The following ITGA9 variants were observed in gnomAD, a reference collection of about 807,000 sequenced individuals.
ITGA9 encodes the protein integrin alpha-9.
A neutral mutation model predicts 127.8 loss-of-function variants in ITGA9; 56 were observed. That is an observed-to-expected ratio of 0.44 (90% confidence interval 0.35 to 0.55). The LOEUF (loss-of-function observed/expected upper bound fraction) is 0.55. Ranked by LOEUF, ITGA9 falls within the 20% of genes least tolerant of loss-of-function variation. ITGA9 has a pLI of 0.00. For missense variants in ITGA9, 1,196 were observed against 1,347.1 expected (o/e 0.89, Z 1.76); for synonymous variants, 508 against 514.5 (o/e 0.99, Z 0.17).
At chr3:37,617,513 T>C (rs1392165448) in intron 15 of ITGA9, among the ~76,000 whole-genome samples, 1 of 152,228 alleles carries the variant, frequency 6.6e-6, no homozygotes, top group Non-Finnish European at 1.5e-5. Context: ...TTGGCCTGCC[T>C]TGCTAGACTG....
Position 37,469,395 on chromosome 3 carries a change from G to A in ITGA9, c.186-1612G>A, listed in dbSNP as rs578188875. Among the ~76,000 whole-genome samples, 390 of 152,258 alleles carry A rather than the reference G, an allele frequency of 2.6e-3. 2 individuals carry two copies. The highest frequency in any genetic ancestry group is 9.0e-3 in the African/African-American group (373 of 41,552). ...TAAATGTCCATGCTGTGTGTGTGGT[G>A]GGTGGTAGGAGGAGGAGAGGGAGAC... On this transcript the variant is annotated intron_variant, in intron 1 of 27. Coordinates refer to ENST00000264741, the MANE Select transcript of ITGA9 (RefSeq NM_002207.3).
chr3:37,666,465 CT>C (rs1467159206), intron 17 of ITGA9, among the ~76,000 whole-genome samples: 4 of 152,206 alleles, frequency 2.6e-5, no homozygotes, highest in Non-Finnish European at 5.9e-5. Context: ...TTTGGGTCTT[CT>C]GGTCTCATTT....
In ITGA9 at chr3:37,452,752, G is replaced by A. The variant is rs1417515258; in HGVS notation, c.185+193G>A. 2.6e-5 allele frequency among the ~76,000 whole-genome samples: 4 copies of A among 152,104 alleles called. No homozygotes were observed. Among genetic ancestry groups the A allele is most frequent in the African/African-American group, 4.8e-5 (2 of 41,448 alleles). ...GAGGACGCCGTCCGGGGCCCGCTAA[G>A]GTCGGGGTCGGCGCCTGGAGGCGGG... On this transcript the variant is annotated intron_variant, in intron 1 of 27. Transcript: ENST00000264741. This position sits in a 1 kb window ranked among gnomAD's most constrained non-coding sequence, Gnocchi z 7.3.
chr3:37,474,630 G>A (rs1482563114), intron 3 of ITGA9, among the ~76,000 whole-genome samples: 1 of 152,142 alleles, frequency 6.6e-6, no homozygotes, highest in Non-Finnish European at 1.5e-5. Flanking sequence ...CTCTGCCCTT[G>A]GTGAGTGAAC....
intron 1 of ITGA9, among the ~76,000 whole-genome samples, chr3:37,454,029 G>C (rs1206842259): frequency 6.6e-6 from 1 of 152,208 alleles, no homozygotes; most frequent in Non-Finnish European, 1.5e-5. Context: ...CTCAGGGTCT[G>C]AGGTTGAAGA....
chr3:37,453,287 G>A (rs1698221332), intron 1 of ITGA9, among the ~76,000 whole-genome samples: 6 of 152,190 alleles, frequency 3.9e-5, no homozygotes, highest in Admixed American at 3.9e-4. Flanking sequence ...CATTCGACCC[G>A]GAGACCTTCA....
chr3:37,743,061 T>A (rs1309762990), intron 21 of ITGA9, among the ~76,000 whole-genome samples: 1 of 152,112 alleles, frequency 6.6e-6, no homozygotes, highest in Non-Finnish European at 1.5e-5. Context: ...TTGGGAGGTG[T>A]TAACAGCCCC....
chr3:37,507,953 A>G (rs144764394), intron 7 of ITGA9, among the ~76,000 whole-genome samples: 2 of 152,264 alleles, frequency 1.3e-5, no homozygotes, highest in Non-Finnish European at 2.9e-5. Context: ...TGCAGTGGCG[A>G]TGCATAGTTC....
intron 16 of ITGA9, among the ~76,000 whole-genome samples, chr3:37,640,485 G>A (rs919487246): frequency 5.3e-5 from 8 of 152,098 alleles, no homozygotes; most frequent in Non-Finnish European, 1.0e-4. Flanking sequence ...CCCGAACAAA[G>A]CTGGAAGTGG....
intron 1 of ITGA9, among the ~76,000 whole-genome samples, chr3:37,455,565 G>A (rs1698246797): frequency 6.6e-6 from 1 of 152,112 alleles, no homozygotes; most frequent in Non-Finnish European, 1.5e-5. Context: ...AAATGAGTGA[G>A]GAAGGTAAAA....
intron 17 of ITGA9, among the ~76,000 whole-genome samples, chr3:37,681,082 C>G (rs1700730356): frequency 1.3e-5 from 2 of 152,132 alleles, no homozygotes; most frequent in Admixed American, 1.3e-4. Context: ...AGGATTCCAC[C>G]CCCCCAGAAA....
At chr3:37,525,849 G>T (rs909890975) in intron 12 of ITGA9, among the ~76,000 whole-genome samples, 177 bp from the exon 13 acceptor site, 3 of 152,194 alleles carry the variant, frequency 2.0e-5, no homozygotes, top group Non-Finnish European at 4.4e-5. Context: ...GGGATTGGCT[G>T]CCACGTCAGA....
intron 15 of ITGA9, among the ~76,000 whole-genome samples, chr3:37,612,743 G>A (rs1264172138): frequency 6.6e-6 from 1 of 152,204 alleles, no homozygotes; most frequent in African/African-American, 2.4e-5. Context: ...TAATAAATTA[G>A]CAATTCAGAG....
chr3:37,818,653 G>A (rs1697471876), intron 27 of ITGA9: 5 of 559,836 alleles, frequency 8.9e-6, no homozygotes, highest in South Asian at 8.0e-5. Context: ...TACACCAGAT[G>A]CATTTTAGAA....
At chr3:37,539,684 C>T (rs996196346) in intron 14 of ITGA9, among the ~76,000 whole-genome samples, 1 of 152,240 alleles carries the variant, frequency 6.6e-6, no homozygotes, top group Non-Finnish European at 1.5e-5. Flanking sequence ...AAAATACCTT[C>T]TCAGTGACAT....
At chr3:37,511,460 A>C (rs946216654) in intron 8 of ITGA9, among the ~76,000 whole-genome samples, 1 of 152,258 alleles carries the variant, frequency 6.6e-6, no homozygotes, top group Non-Finnish European at 1.5e-5. Flanking sequence ...AGAGATTTCT[A>C]ATTTAACATT....
intron 15 of ITGA9, among the ~76,000 whole-genome samples, chr3:37,620,006 A>G (rs1218711615): frequency 6.6e-6 from 1 of 152,164 alleles, no homozygotes; most frequent in Non-Finnish European, 1.5e-5. Flanking sequence ...GAGTAGGCCA[A>G]TTCACGCCAT....
intron 24 of ITGA9, among the ~76,000 whole-genome samples, chr3:37,778,639 A>G (rs1389238228): frequency 6.6e-6 from 1 of 152,096 alleles, no homozygotes; most frequent in Non-Finnish European, 1.5e-5. Context: ...AAAATTATAA[A>G]GACACACACT....
chr3:37,513,172 G>C (rs547015323), intron 8 of ITGA9, among the ~76,000 whole-genome samples: 1 of 152,276 alleles, frequency 6.6e-6, no homozygotes, highest in Admixed American at 6.5e-5. Flanking sequence ...GATATAAGGA[G>C]CATTTTTATT....
Sources: gnomAD v4.1 joint callset for allele counts (sites outside exome capture counted in the v4.1 genomes callset) on GRCh38, gnomAD v4.1.1 for gene constraint, Gnocchi (gnomAD v3.1) non-coding constraint, MANE v1.5 for transcripts, NCBI Gene and HGNC (gene_info 2026-07-23, HGNC 2026-07-21) for gene names.